Variants in CFI observed in about 807,000 individuals in gnomAD.
CFI encodes the protein complement factor I, also known as C3B/C4B inactivator.
In CFI, 66 loss-of-function variants were observed where a neutral mutation model predicts 78.8. That is an observed-to-expected ratio of 0.84 (90% CI 0.69 to 1.03). The LOEUF (loss-of-function observed/expected upper bound fraction) is 1.03. Among genes scored for constraint, CFI ranks in the 50% least tolerant of loss-of-function variants. The pLI is 0.00. For synonymous variants in CFI, 250 were observed against 232.6 expected (o/e 1.07, Z -0.68); for missense variants, 706 against 704.5 (o/e 1.00, Z -0.02).
At chr4:109,756,954 A>AAAGG (rs1561297984) in intron 7 of CFI, among the ~76,000 whole-genome samples, 2 of 146,948 alleles carry the variant, frequency 1.4e-5, no homozygotes, top group East Asian at 2.0e-4. Context: ...AGAAAGAAAG[A>AAAGG]AAGAAAGAAA....
At chr4:109,734,362 C>T in the CFI span, among the ~76,000 whole-genome samples, 12 of 152,150 alleles carry the variant, frequency 7.9e-5, no homozygotes, top group Admixed American at 1.3e-4. Flanking sequence ...AAGACAGAAC[C>T]ACCCATTCTG....
rs1725593083 is a variant in CFI, at chr4:109,753,484, TAATAA to T, written c.905-986_905-982del. ...ATATATTTATATTAATAAATATTTA[TAATAA>T]ATATTTATAATATATTTATTATATA... On this transcript the variant is annotated intron_variant, in intron 7 of 12. Coordinates refer to ENST00000394634, the MANE Select transcript of CFI (RefSeq NM_000204.5). 4.7e-5 allele frequency among the ~76,000 whole-genome samples: 4 copies of T among 85,558 alleles called. 1 individual carries two copies. The highest frequency in any genetic ancestry group is 1.5e-4 in the African/African-American group (3 of 20,550). The allele number at this position is 85,558 out of a possible 152,430, so 56.1% of individuals were successfully genotyped here.
the CFI span, among the ~76,000 whole-genome samples, chr4:109,731,630 G>C: frequency 6.6e-6 from 1 of 152,162 alleles, no homozygotes; most frequent in African/African-American, 2.4e-5. Context: ...AAACAGGGTA[G>C]CCCAACAAAC....
rs41308281 is a variant in CFI, at chr4:109,746,377, G to T, written c.1274C>A (p.Thr425Asn). Residue 425 changes from threonine (T) to asparagine (N), a missense_variant, in exon 11 of 13, where the codon ACT becomes AAT. By Grantham distance (65) the Thr-to-Asn change is moderately conservative (BLOSUM62 0). Coordinates refer to ENST00000394634, the MANE Select transcript of CFI (RefSeq NM_000204.5). ...AATCAAAGCGATGTCATTTTGGTAA[G>T]TGCCTGCATTGTAGTTTTCATGGAA... is the stretch of plus-strand genomic sequence containing the variant. ...IIFHENYNAG[T>N]YQNDIALIEM... The T allele has an allele frequency of 6.2e-7, 1 of 1,613,972 alleles. No homozygotes were observed. The highest frequency in any genetic ancestry group is 2.2e-5 in the East Asian group (1 of 44,896).
In CFI at chr4:109,766,613, C is replaced by G. The variant is rs1727788256; in HGVS notation, c.269G>C (p.Ser90Thr). The G allele has an allele frequency of 6.2e-7, 1 of 1,614,184 alleles. No homozygotes were observed. The highest frequency in any genetic ancestry group is 8.5e-7 in the Non-Finnish European group (1 of 1,180,030). Residue 90 changes from serine (S) to threonine (T), a missense_variant, in exon 2 of 13, where the codon AGT (serine) becomes ACT (threonine). By Grantham distance (58) the Ser-to-Thr change is moderately conservative. Coordinates refer to ENST00000394634, the MANE Select transcript of CFI (RefSeq NM_000204.5). ...TGTCCCTGGATGAAGACATTCCAAACTCTTTTGTTGACAGTATGTTGGGAA... is the reference window on the plus strand; with the variant it reads ...TGTCCCTGGATGAAGACATTCCAAAGTCTTTTGTTGACAGTATGTTGGGAA... Reference protein sequence around the residue: ...RSFPTYCQQKSLECLHPGTKF... With the variant: ...RSFPTYCQQKTLECLHPGTKF...
At chr4:109,751,594 A>AACCTGTAAC (rs1725147068) in intron 8 of CFI, among the ~76,000 whole-genome samples, 1 of 151,814 alleles carries the variant, frequency 6.6e-6, no homozygotes, top group Non-Finnish European at 1.5e-5. Flanking sequence ...GGCACCTGCT[A>AACCTGTAAC]CCATGTCTGG....
At chr4:109,731,429 G>T in the CFI span, among the ~76,000 whole-genome samples, 1 of 152,062 alleles carries the variant, frequency 6.6e-6, no homozygotes, top group Non-Finnish European at 1.5e-5. Context: ...TTGGCCTTTT[G>T]TGTTTGTTAC....
chr4:109,749,783 C>CATATTAAAT (rs2126192034), intron 8 of CFI, among the ~76,000 whole-genome samples, 181 bp from the exon 9 acceptor site: 1 of 152,204 alleles, frequency 6.6e-6, no homozygotes, highest in South Asian at 2.1e-4. Flanking sequence ...AAAATTCTGG[C>CATATTAAAT]TTGATATTAA....
chr4:109,748,219 T>C (rs138278976), intron 10 of CFI, among the ~76,000 whole-genome samples: 68 of 152,342 alleles, frequency 4.5e-4, no homozygotes, highest in Middle Eastern at 6.8e-3. Flanking sequence ...TTAATTTTGA[T>C]TGTTTTTCAG....
chr4:109,796,632 T>G (rs1049731876), intron 1 of CFI, among the ~76,000 whole-genome samples: 1 of 152,096 alleles, frequency 6.6e-6, no homozygotes, highest in African/African-American at 2.4e-5. Context: ...CAAGGTCCCA[T>G]CACTACAAAA....
intron 1 of CFI, chr4:109,794,017 G>A (rs1731720100): frequency 6.6e-6 from 1 of 152,168 alleles, no homozygotes; most frequent in African/African-American, 2.4e-5. Context: ...TGATGAGAAA[G>A]CTGCTGCTAA....
At chr4:109,761,420 A>T in intron 4 of CFI, 97 bp downstream of exon 4, 1 of 1,171,314 alleles carries the variant, frequency 8.5e-7, no homozygotes, top group Non-Finnish European at 1.3e-6. Context: ...TGCCTCTGTG[A>T]CTGGCAACGA....
intron 1 of CFI, chr4:109,793,984 T>A (rs1393031383): frequency 5.3e-5 from 8 of 152,230 alleles, no homozygotes; most frequent in Non-Finnish European, 1.0e-4. Context: ...CAAATAAAAT[T>A]TTCATCTGCC....
intron 2 of CFI, among the ~76,000 whole-genome samples, chr4:109,765,909 G>T (rs1371909593): frequency 4.6e-5 from 7 of 152,110 alleles, no homozygotes; most frequent in African/African-American, 1.4e-4. Context: ...ACAAGGTCAG[G>T]AGATCGAGAC....
chr4:109,774,770 C>T (rs900569498), intron 1 of CFI, among the ~76,000 whole-genome samples: 1 of 152,086 alleles, frequency 6.6e-6, no homozygotes, highest in Non-Finnish European at 1.5e-5. Flanking sequence ...GGCACAAAAG[C>T]AATAAAAAAG....
At chr4:109,769,748 A>G (rs1469408803) in intron 1 of CFI, among the ~76,000 whole-genome samples, 5 of 152,170 alleles carry the variant, frequency 3.3e-5, no homozygotes, top group Non-Finnish European at 7.4e-5. Context: ...TACCTTTGGC[A>G]GGGAGCCTCT....
rs1254461874 is a variant in CFI at position 109,775,348 on chromosome 4, T to G, written c.58-8524A>C. ...CTAAGCAAACGGCACACCAGGAGAT[T>G]ATATCCCGTGCCTGGCTCGGAGGGT... On this transcript the variant is annotated intron_variant, in intron 1 of 12. Coordinates refer to ENST00000394634, the MANE Select transcript of CFI (RefSeq NM_000204.5). 2.0e-5 allele frequency among the ~76,000 whole-genome samples: 3 copies of G among 152,284 alleles called. No individual in the cohort carries two copies. In the East Asian group the frequency reaches 5.8e-4, roughly 29 times the overall value.
rs1343020448 is a variant in CFI, at chr4:109,746,279, G to C, written c.1372C>G (p.Pro458Ala). 1 of 1,614,162 alleles carries C rather than the reference G, an allele frequency of 6.2e-7. No individual in the cohort carries two copies. The highest frequency in any genetic ancestry group is 1.7e-5 in the Admixed American group (1 of 60,014). The change falls in exon 11 of 13, where the codon CCT (proline) becomes GCT (alanine). Residue 458 changes from proline to alanine, a missense_variant. Transcript: ENST00000394634. ...RSIPACVPWS[P>A]YLFQPNDTCI... is the part of the protein sequence containing the mutation. Reference sequence around the variant, plus strand: ...GTATCATTAGGTTGGAATAGGTAAGGAGACCAGGGGACACAGGCAGGGATG... The same window carrying C: ...GTATCATTAGGTTGGAATAGGTAAGCAGACCAGGGGACACAGGCAGGGATG...
chr4:109,765,393 A>G (rs1727605718), intron 2 of CFI, among the ~76,000 whole-genome samples: 1 of 152,252 alleles, frequency 6.6e-6, no homozygotes, highest in African/African-American at 2.4e-5. Context: ...CTTTGCTGTC[A>G]GACATAAAAT....
Sources: allele counts gnomAD v4.1 joint callset (sites outside exome capture counted in the v4.1 genomes callset), GRCh38; gene constraint gnomAD v4.1.1; transcripts MANE v1.5; gene names NCBI Gene and HGNC (gene_info 2026-07-23, HGNC 2026-07-21).